DENND2B: variants seen among roughly 807,000 people sequenced by gnomAD.
DENND2B encodes the protein DENN domain-containing protein 2B.
DENND2B carries 32 observed loss-of-function variants against 116.0 expected under a neutral mutation model. The ratio of observed to expected loss-of-function variants is 0.28; its 90% CI spans 0.21 to 0.37. DENND2B has a LOEUF of 0.37. Ranked by LOEUF, DENND2B falls within the 10% of genes least tolerant of loss-of-function variation. DENND2B has a pLI of 1.00. For missense variants in DENND2B, 1,276 were observed against 1,477.7 expected, an observed-to-expected ratio of 0.86 and a Z score of 2.24; for synonymous variants, 588 against 583.9, an observed-to-expected ratio of 1.01 and a Z score of -0.10.
At chr11:8,736,563 T>C (rs1336455782) in intron 2 of DENND2B, among the ~76,000 whole-genome samples, 2 of 151,650 alleles carry the variant, frequency 1.3e-5, no homozygotes, top group South Asian at 2.1e-4. Flanking sequence ...TAGAGATGAG[T>C]TGCTGTTTTA....
At chr11:8,833,914 A>G (rs933331741) in intron 4 of DENND2B, among the ~76,000 whole-genome samples, 1 of 152,172 alleles carries the variant, frequency 6.6e-6, no homozygotes, top group Non-Finnish European at 1.5e-5. Flanking sequence ...GCAAAGGTAA[A>G]AAGTTGGCTA....
At chr11:8,856,053 CAT>C (rs1335576671) in intron 3 of DENND2B, among the ~76,000 whole-genome samples, 1 of 152,194 alleles carries the variant, frequency 6.6e-6, no homozygotes, top group Non-Finnish European at 1.5e-5. Flanking sequence ...TGAACACAAA[CAT>C]AAGTGAACAG....
chr11:8,802,620 C>T (rs946170725), intron 1 of DENND2B, among the ~76,000 whole-genome samples: 1 of 152,186 alleles, frequency 6.6e-6, no homozygotes, highest in Non-Finnish European at 1.5e-5. Flanking sequence ...CCCTAAGACA[C>T]AGATTTGCGT....
chr11:8,783,827 G>A (rs16905855), intron 1 of DENND2B, among the ~76,000 whole-genome samples: 6,117 of 152,218 alleles, frequency 0.04, 410 homozygotes, highest in African/African-American at 0.14. Context: ...CTACCGAAAC[G>A]AAGAGCCAGG....
At chr11:8,793,977 TATAA>T (rs2059602736) in intron 1 of DENND2B, among the ~76,000 whole-genome samples, 1 of 152,124 alleles carries the variant, frequency 6.6e-6, no homozygotes, top group African/African-American at 2.4e-5. Context: ...AGTTTAAATA[TATAA>T]ATAAAAAATA....
chr11:8,884,921 A>G (rs1381046187), intron 1 of DENND2B, among the ~76,000 whole-genome samples: 1 of 152,232 alleles, frequency 6.6e-6, no homozygotes, highest in East Asian at 1.9e-4. Context: ...AAGAGAGGAA[A>G]GGAAGATGGG....
At position 8,702,888 on chromosome 11, in the gene DENND2B, G is replaced by A; in HGVS notation, c.2572-168C>T. ...CCTCTTCTCCATCCCTCGGACTACA[G>A]CTCTGCTCTCGTAGCACTCGAACAC... On this transcript the variant is annotated intron_variant, in intron 13 of 19. Transcript: ENST00000313726. The surrounding 1 kb of genome is among the most constrained non-coding windows in gnomAD (Gnocchi z 4.6). 1 of 824,856 alleles carries A rather than the reference G, an allele frequency of 1.2e-6. No individual in the cohort carries two copies. The highest frequency in any genetic ancestry group is 1.8e-5 in the South Asian group (1 of 54,274). 51.1% of individuals were successfully genotyped at this position (824,856 alleles called of 1,614,324 possible). A position where few individuals can be genotyped will look rare whatever the true frequency, so the allele number is the denominator to read the frequency against.
At chr11:8,807,378 C>A (rs896688504) in intron 1 of DENND2B, among the ~76,000 whole-genome samples, 9 of 152,130 alleles carry the variant, frequency 5.9e-5, no homozygotes, top group African/African-American at 2.2e-4. Flanking sequence ...GAATCAGATG[C>A]GGTGGGGAGT....
At chr11:8,861,120 G>A (rs1367101742) in intron 2 of DENND2B, among the ~76,000 whole-genome samples, 1 of 151,916 alleles carries the variant, frequency 6.6e-6, no homozygotes, top group African/African-American at 2.4e-5. Flanking sequence ...CTGGACATTG[G>A]GTGAGACAAA....
chr11:8,892,953 A>C (rs1467907753), intron 1 of DENND2B, among the ~76,000 whole-genome samples: 3 of 152,186 alleles, frequency 2.0e-5, no homozygotes, highest in Non-Finnish European at 4.4e-5. Flanking sequence ...AAAAAAGAGA[A>C]TTTTAGACCA....
intron 2 of DENND2B, among the ~76,000 whole-genome samples, chr11:8,748,891 C>T (rs772005808): frequency 6.4e-4 from 98 of 151,958 alleles, no homozygotes; most frequent in African/African-American, 2.1e-3. Context: ...GTAAATACTG[C>T]CCCTCCCACC....
At chr11:8,757,418 A>C (rs1354301774) in intron 1 of DENND2B, among the ~76,000 whole-genome samples, 2 of 152,188 alleles carry the variant, frequency 1.3e-5, no homozygotes. Context: ...TAGGATATTA[A>C]CATGGAAGAC....
At chr11:8,782,625 G>A (rs185095829) in intron 1 of DENND2B, among the ~76,000 whole-genome samples, 2 of 152,102 alleles carry the variant, frequency 1.3e-5, no homozygotes, top group Admixed American at 6.5e-5. Flanking sequence ...AGTGGCTCAC[G>A]CCTGTAATCC....
In DENND2B at chr11:8,801,063, C is replaced by T. The variant is rs555475601; in HGVS notation, c.-26+9454G>A. 2.6e-5 allele frequency among the ~76,000 whole-genome samples: 4 copies of T among 151,304 alleles called. No individual in the cohort carries two copies. The South Asian group carries it at 8.4e-4, about 32-fold the overall frequency. On this transcript the variant is annotated intron_variant, in intron 1 of 19. Coordinates refer to ENST00000313726, the MANE Select transcript of DENND2B (RefSeq NM_213618.2). ...TTCACTATCTAGAGCCGTCTATCTC[C>T]CTCACCCTCCCATCAGCCTTCCCAA...
At chr11:8,743,842 G>T (rs989901869) in intron 2 of DENND2B, among the ~76,000 whole-genome samples, 31 of 151,676 alleles carry the variant, frequency 2.0e-4, no homozygotes, top group Non-Finnish European at 1.3e-4. Context: ...GACCTCCCAG[G>T]CTCAAGCGAT....
At chr11:8,896,112 T>C (rs1376411340) in intron 1 of DENND2B, among the ~76,000 whole-genome samples, 1 of 152,196 alleles carries the variant, frequency 6.6e-6, no homozygotes, top group Non-Finnish European at 1.5e-5. Context: ...GTAAACTTAG[T>C]ATAAGCTAGG....
At chr11:8,872,505 A>T (rs932756065), upstream of DENND2B, among the ~76,000 whole-genome samples, 1 of 151,614 alleles carries the variant, frequency 6.6e-6, no homozygotes, top group Admixed American at 6.6e-5. Context: ...AAAAAAAAGA[A>T]AAAAAAAGAT....
chr11:8,809,327 A>G (rs2061175804), intron 1 of DENND2B: 1 of 152,244 alleles, frequency 6.6e-6, no homozygotes, highest in East Asian at 1.9e-4. Context: ...TTGCCAGAAT[A>G]CAAAAGACAT....
At position 8,707,850 on chromosome 11, in the gene DENND2B, C is replaced by T. The variant is rs760781914; in HGVS notation, c.2357G>A (p.Ser786Asn). 15 of 1,608,712 alleles carry T rather than the reference C, an allele frequency of 9.3e-6. No individual in the cohort carries two copies. Among genetic ancestry groups the T allele is most frequent in the Admixed American group, 6.8e-5 (4 of 59,122 alleles). Residue 786 changes from serine (S) to asparagine (N), a missense_variant, in exon 12 of 20, where the codon AGT becomes AAT. Ser to Asn is a conservative substitution (Grantham distance 46). Around this residue, in one of 2 missense-constraint regions of DENND2B, gnomAD observed 420 missense variants for 631.1 expected, o/e 0.67. Coordinates refer to ENST00000313726, the MANE Select transcript of DENND2B (RefSeq NM_213618.2). The surrounding 1 kb of genome is among the most constrained non-coding windows in gnomAD (Gnocchi z 4.8). ...RFGYCRRLLP[S>N]GKGPRLPEVY... Reference sequence around the variant, plus strand: ...CTCTGGCAACCGGGGCCCTTTCCCACTTGGCTGGGCCAGGACAAGGAGGAG... The same window carrying T: ...CTCTGGCAACCGGGGCCCTTTCCCATTTGGCTGGGCCAGGACAAGGAGGAG...
Sources: allele counts gnomAD v4.1 joint callset (sites outside exome capture counted in the v4.1 genomes callset), GRCh38; gene constraint gnomAD v4.1.1; regional missense constraint gnomAD v4.1.1; non-coding constraint Gnocchi (gnomAD v3.1); transcripts MANE v1.5; gene names NCBI Gene and HGNC (gene_info 2026-07-23, HGNC 2026-07-21).